TTC6: variants seen among roughly 807,000 people sequenced by gnomAD.
The protein encoded by TTC6 is tetratricopeptide repeat protein 6.
TTC6 carries 172 observed loss-of-function variants against 210.4 expected under a neutral mutation model. The observed-to-expected ratio is 0.82, with a 90% CI of 0.72 to 0.93. The LOEUF (loss-of-function observed/expected upper bound fraction) is 0.93. Ranked by LOEUF, TTC6 falls within the 40% of genes least tolerant of loss-of-function variation. The pLI is 0.00. For missense variants in TTC6, 2,414 were observed against 2,318.1 expected, an observed-to-expected ratio of 1.04 and a Z score of -0.85; for synonymous variants, 804 against 819.6, an observed-to-expected ratio of 0.98 and a Z score of 0.32.
chr14:37,614,691 A>G (rs1239735556), intron 2 of TTC6, among the ~76,000 whole-genome samples: 1 of 151,960 alleles, frequency 6.6e-6, no homozygotes, highest in Non-Finnish European at 1.5e-5. Context: ...TTACCTTTTA[A>G]AAAAGAATAT....
At chr14:37,828,725 TTTTG>T (rs1344114724) in intron 29 of TTC6, among the ~76,000 whole-genome samples, 1,590 of 152,166 alleles carry the variant, frequency 0.01, 34 homozygotes, top group African/African-American at 0.036. Flanking sequence ...AAAAACATTG[TTTTG>T]AATATGTCAG....
intron 14 of TTC6, among the ~76,000 whole-genome samples, chr14:37,771,359 A>C (rs36178709): frequency 0.18 from 27,370 of 151,712 alleles, 2,650 homozygotes; most frequent in East Asian, 0.33. Context: ...CTACCTTGCT[A>C]GACTGGGGAA....
intron 1 of TTC6, among the ~76,000 whole-genome samples, chr14:37,604,441 A>G (rs1887448392): frequency 6.6e-6 from 1 of 152,122 alleles, no homozygotes; most frequent in Non-Finnish European, 1.5e-5. Flanking sequence ...GTAGCAGAAC[A>G]CATTGTCCCT....
chr14:37,781,340 A>G (rs531639410), intron 14 of TTC6, among the ~76,000 whole-genome samples: 7 of 152,280 alleles, frequency 4.6e-5, no homozygotes, highest in African/African-American at 1.7e-4. Context: ...GTAAGATGGT[A>G]TCTCATTATG....
In TTC6 at chr14:37,664,073, C is replaced by T. The variant is rs145150865; in HGVS notation, c.940-16078C>T. ...AATCAATATTGTGAAAATGGCCATA[C>T]TGCCCAAAGTAATTTATAGATTTAA... On this transcript the variant is annotated intron_variant, in intron 1 of 30. Transcript: ENST00000553443. Among the ~76,000 whole-genome samples the T allele has an allele frequency of 2.1e-3, 314 of 150,746 alleles. 31 individuals are homozygous for T. The highest frequency in any genetic ancestry group is 3.8e-3 in the Non-Finnish European group (254 of 67,124).
exon 1 of TTC6, chr14:37,622,248 C>G (rs903147183): frequency 6.5e-7 from 1 of 1,535,278 alleles, no homozygotes; most frequent in Non-Finnish European, 8.7e-7. Flanking sequence ...CCCGGCCCGC[C>G]CCGCGCGCGT....
At chr14:37,808,374 G>A (rs1232879364) in intron 23 of TTC6, among the ~76,000 whole-genome samples, 2 of 152,126 alleles carry the variant, frequency 1.3e-5, no homozygotes, top group African/African-American at 4.8e-5. Context: ...ACAGAAGCAA[G>A]CAAGCACTGG....
chr14:37,680,824 G>T (rs2138547115), intron 2 of TTC6, among the ~76,000 whole-genome samples: 1 of 152,234 alleles, frequency 6.6e-6, no homozygotes, highest in South Asian at 2.1e-4. Flanking sequence ...CTGATGGTCA[G>T]TTCCTCTACA....
chr14:37,778,482 G>T (rs1595247963), intron 14 of TTC6, among the ~76,000 whole-genome samples: 1 of 152,128 alleles, frequency 6.6e-6, no homozygotes, highest in East Asian at 1.9e-4. Context: ...GCTCATGCCA[G>T]CAGCTAGTGG....
intron 4 of TTC6, 63 bp from the exon 7 acceptor site, chr14:37,701,269 T>C: frequency 8.5e-7 from 1 of 1,170,704 alleles, no homozygotes. Context: ...TCAGTATAAA[T>C]GTACTTTATA....
chr14:37,808,559 T>G (rs943148793), intron 23 of TTC6, among the ~76,000 whole-genome samples, 174 bp from the exon 26 acceptor site: 2 of 152,212 alleles, frequency 1.3e-5, no homozygotes, highest in African/African-American at 4.8e-5. Context: ...TACCAGGAGA[T>G]TTTCTTAATT....
intron 9 of TTC6, 83 bp from the exon 12 acceptor site, chr14:37,738,693 A>C: frequency 1.8e-6 from 2 of 1,142,348 alleles, no homozygotes; most frequent in Non-Finnish European, 2.3e-6. Flanking sequence ...ATTAATAGTA[A>C]TTGTAACAGA....
exon 12 of TTC6, chr14:37,749,841 C>A (rs1595194382): frequency 7.2e-7 from 1 of 1,380,610 alleles, no homozygotes. Flanking sequence ...AAAAATAATA[C>A]AGGTGGGTTG....
chr14:37,714,596 A>G, intron 5 of TTC6, 59 bp from the exon 8 acceptor site: 1 of 1,403,574 alleles, frequency 7.1e-7, no homozygotes, highest in Non-Finnish European at 9.5e-7. Flanking sequence ...ATGAGGGCAA[A>G]CACCTTATAC....
intron 14 of TTC6, among the ~76,000 whole-genome samples, chr14:37,756,886 C>A (rs930254963): frequency 4.6e-5 from 7 of 152,134 alleles, no homozygotes; most frequent in Non-Finnish European, 8.8e-5. Flanking sequence ...AGAGGAGTCC[C>A]TCTTTTTCTA....
chr14:37,784,753 C>G (rs746605505), intron 14 of TTC6, among the ~76,000 whole-genome samples: 5 of 152,122 alleles, frequency 3.3e-5, no homozygotes, highest in Admixed American at 1.3e-4. Flanking sequence ...TTTGCAGTGG[C>G]TGGTACTGGT....
intron 6 of TTC6, among the ~76,000 whole-genome samples, chr14:37,722,817 C>T (rs2095864446): frequency 6.6e-6 from 1 of 152,098 alleles, no homozygotes; most frequent in South Asian, 2.1e-4. Flanking sequence ...TAAAGTCTGT[C>T]TTTTTTTCCC....
chr14:37,760,421 A>G (rs2095980645), intron 14 of TTC6, among the ~76,000 whole-genome samples: 1 of 152,146 alleles, frequency 6.6e-6, no homozygotes. Context: ...GCTCTCCTGT[A>G]TGAGGTGTCT....
In TTC6 at chr14:37,728,652, A is replaced by G. The variant is rs531539582; in HGVS notation, c.1818+3650A>G. Among the ~76,000 whole-genome samples, 6 of 152,140 alleles carry G rather than the reference A, an allele frequency of 3.9e-5. No homozygotes were observed. In the South Asian group the frequency reaches 1.2e-3, roughly 32 times the overall value. Reference sequence around the variant, plus strand: ...TATTGTTTTTGTTTTGTTTTGTTTTAGAGGTGCTATATAAGTAACATATGG... The same window carrying G: ...TATTGTTTTTGTTTTGTTTTGTTTTGGAGGTGCTATATAAGTAACATATGG... On this transcript the variant is annotated intron_variant, in intron 7 of 30. Transcript: ENST00000553443.
Sources: allele counts gnomAD v4.1 joint callset (sites outside exome capture counted in the v4.1 genomes callset), GRCh38; gene constraint gnomAD v4.1.1; transcripts MANE v1.5; gene names NCBI Gene and HGNC (gene_info 2026-07-23, HGNC 2026-07-21).